Variants in AGBL1 observed in about 807,000 individuals in gnomAD.
AGBL1 encodes AGBL carboxypeptidase 1, also known as cytosolic carboxypeptidase 4.
AGBL1 carries 130 observed loss-of-function variants against 118.9 expected under a neutral mutation model. The ratio of observed to expected loss-of-function variants is 1.09; its 90% confidence interval spans 0.95 to 1.26. The LOEUF is 1.26. Among genes scored for constraint, AGBL1 ranks in the 50% most tolerant of loss-of-function variants. The pLI is 0.00. For missense variants in AGBL1, 1,584 were observed against 1,298.1 expected (o/e 1.22, Z -3.38); for synonymous variants, 555 against 478.9 (o/e 1.16, Z -2.08).
At chr15:86,986,653 A>G (rs935104628) in intron 23 of AGBL1, among the ~76,000 whole-genome samples, 6 of 152,174 alleles carry the variant, frequency 3.9e-5, no homozygotes, top group Admixed American at 3.9e-4. Context: ...AGTTTGAGAG[A>G]ACCTTACTAA....
intron 24 of AGBL1, among the ~76,000 whole-genome samples, chr15:87,006,668 G>A (rs1380044152): frequency 2.0e-5 from 3 of 152,200 alleles, no homozygotes; most frequent in East Asian, 3.9e-4. Context: ...ACCCTGCTTT[G>A]GCTCATGCTT....
chr15:86,552,589 A>C (rs2083679252), intron 20 of AGBL1, among the ~76,000 whole-genome samples: 1 of 152,210 alleles, frequency 6.6e-6, no homozygotes, highest in Non-Finnish European at 1.5e-5. Flanking sequence ...CTCTATGAGC[A>C]ACATACTGCT....
intron 22 of AGBL1, among the ~76,000 whole-genome samples, chr15:86,862,581 C>T (rs578254215): frequency 6.0e-4 from 91 of 152,094 alleles, no homozygotes; most frequent in Non-Finnish European, 1.1e-3. Context: ...ATTAGCCGGG[C>T]GTGATGACAT....
At chr15:86,516,509 G>T (rs1213777886) in intron 18 of AGBL1, among the ~76,000 whole-genome samples, 1 of 152,136 alleles carries the variant, frequency 6.6e-6, no homozygotes, top group Non-Finnish European at 1.5e-5. Flanking sequence ...GTAGAAATGT[G>T]AATTAACTGG....
rs1023496955 is a variant in AGBL1, at chr15:86,909,205, C to G, written c.*1911C>G. ...TGCAAGAGAGGTTAGAAAACATAGT[C>G]TTTATTTGAGGTGGGCCCAGCTAAA... On this transcript the variant is annotated 3_prime_UTR_variant, in exon 23 of 23. Coordinates refer to ENST00000614907, the MANE Select transcript of AGBL1 (RefSeq NM_001386094.1). The G allele has an allele frequency of 6.6e-6, 1 of 152,206 alleles. No homozygotes were observed. The highest frequency in any genetic ancestry group is 1.5e-5 in the Non-Finnish European group (1 of 68,030). The allele number at this position is 152,206 out of a possible 1,614,324, so 9.4% of individuals were successfully genotyped here. A position where few individuals can be genotyped will look rare whatever the true frequency, so the allele number is the denominator to read the frequency against.
chr15:86,425,793 T>C (rs1427891393), intron 18 of AGBL1, among the ~76,000 whole-genome samples: 1 of 152,174 alleles, frequency 6.6e-6, no homozygotes, highest in East Asian at 1.9e-4. Context: ...AGGTGGGCTC[T>C]GGGTGTCTGT....
chr15:86,355,234 T>C (rs1317859668), intron 17 of AGBL1, among the ~76,000 whole-genome samples: 2 of 152,216 alleles, frequency 1.3e-5, no homozygotes, highest in African/African-American at 4.8e-5. Context: ...TTCACATATT[T>C]ATGTTTACAT....
In AGBL1 at chr15:86,080,017, G is replaced by A. The variant is rs4887258; in HGVS notation, c.45G>A (p.Thr15=). ...EASGLQVLLH[T]LQSSSDKESI... is the part of the protein sequence containing the mutation. The stretch of plus-strand genomic sequence containing the variant: ...GTGGGCTACAGGTCCTGCTGCACAC[G>A]CTTCAGGTAGGAAAGGGTAGAGTGG... The change falls in exon 1 of 23, where the codon ACG becomes ACA. Residue 15 remains threonine, a synonymous_variant. Transcript: ENST00000614907. 0.92 allele frequency: 1,129,552 copies of A among 1,231,998 alleles called. 519,081 individuals are homozygous for A. Among genetic ancestry groups the A allele is most frequent in the Non-Finnish European group, 0.94 (924,338 of 987,958 alleles). The allele number at this position is 1,231,998 out of a possible 1,614,324, so 76.3% of individuals were successfully genotyped here.
intron 21 of AGBL1, among the ~76,000 whole-genome samples, chr15:86,591,029 C>T (rs568577916): frequency 6.6e-6 from 1 of 152,290 alleles, no homozygotes; most frequent in Admixed American, 6.5e-5. Context: ...TGAATCCAGT[C>T]TGAGATTCCA....
chr15:86,751,735 G>T (rs533075221), intron 22 of AGBL1, among the ~76,000 whole-genome samples: 5 of 152,200 alleles, frequency 3.3e-5, no homozygotes, highest in African/African-American at 1.2e-4. Flanking sequence ...TGTTTTTAAA[G>T]TGAGGTTGCA....
chr15:86,911,115 A>C lies in AGBL1; in HGVS notation c.*3821A>C, dbSNP rs895724112. 3.9e-5 allele frequency: 6 copies of C among 152,354 alleles called. No homozygotes were observed. The highest frequency in any genetic ancestry group is 5.9e-5 in the Non-Finnish European group (4 of 68,204). The allele number at this position is 152,354 out of a possible 1,614,324, so 9.4% of individuals were successfully genotyped here. On this transcript the variant is annotated 3_prime_UTR_variant, in exon 23 of 23. Transcript: ENST00000614907. The stretch of plus-strand genomic sequence containing the variant: ...GAGTTGTAGGCCATAATGGGAAGCA[A>C]ATGTGGTCCAAAATGTGCAGAGGAG...
chr15:86,423,318 CA>C (rs1349580913), intron 18 of AGBL1, among the ~76,000 whole-genome samples: 4 of 152,282 alleles, frequency 2.6e-5, no homozygotes, highest in Non-Finnish European at 5.9e-5. Flanking sequence ...GAACCAATGA[CA>C]AAAACCACAT....
chr15:86,180,445 A>C (rs1240383441), intron 5 of AGBL1, among the ~76,000 whole-genome samples: 2 of 152,118 alleles, frequency 1.3e-5, no homozygotes, highest in Non-Finnish European at 2.9e-5. Context: ...ATGTTCAATA[A>C]ATGGTGCTGG....
At chr15:86,269,879 A>G (rs747587244) in intron 13 of AGBL1, 40 bp from the exon 14 acceptor site, 3 of 1,604,008 alleles carry the variant, frequency 1.9e-6, no homozygotes, top group East Asian at 4.5e-5. Flanking sequence ...TACCTGAAAG[A>G]CTTTCCAGAT....
intron 5 of AGBL1, among the ~76,000 whole-genome samples, chr15:86,213,240 G>A (rs890354731): frequency 5.3e-5 from 8 of 152,108 alleles, no homozygotes; most frequent in African/African-American, 1.9e-4. Context: ...TTGGAGTTCC[G>A]CAAATCATGG....
intron 21 of AGBL1, among the ~76,000 whole-genome samples, chr15:86,593,933 T>C (rs1396033851): frequency 2.0e-5 from 3 of 152,140 alleles, no homozygotes; most frequent in African/African-American, 7.2e-5. Context: ...TTTTTTTTTT[T>C]TAATTTTGAA....
chr15:86,084,425 G>A (rs1024640897), intron 1 of AGBL1, among the ~76,000 whole-genome samples: 2 of 152,200 alleles, frequency 1.3e-5, no homozygotes, highest in African/African-American at 4.8e-5. Context: ...GGAAGATGTG[G>A]TTATTCTCCT....
intron 3 of AGBL1, among the ~76,000 whole-genome samples, chr15:86,149,814 C>G (rs1433536662): frequency 6.6e-6 from 1 of 152,192 alleles, no homozygotes; most frequent in African/African-American, 2.4e-5. Context: ...CCCAAATCAA[C>G]AGAATATATA....
intron 16 of AGBL1, among the ~76,000 whole-genome samples, chr15:86,289,469 A>G (rs575839447): frequency 6.6e-6 from 1 of 152,322 alleles, no homozygotes; most frequent in African/African-American, 2.4e-5. Context: ...CTCTTCACAT[A>G]CATTATACAA....
Sources: gnomAD v4.1 joint callset for allele counts (sites outside exome capture counted in the v4.1 genomes callset) on GRCh38, gnomAD v4.1.1 for gene constraint, MANE v1.5 for transcripts, NCBI Gene and HGNC (gene_info 2026-07-23, HGNC 2026-07-21) for gene names.